The following LDLRAP1 variants were observed in gnomAD, a reference collection of about 807,000 sequenced individuals.
The protein encoded by LDLRAP1 is low density lipoprotein receptor adaptor protein 1.
In LDLRAP1, 30 loss-of-function variants were observed where a neutral mutation model predicts 37.8. The observed-to-expected ratio is 0.79, with a 90% CI of 0.59 to 1.08. The LOEUF is 1.08. Ranked by LOEUF, LDLRAP1 falls within the 50% of genes least tolerant of loss-of-function variation. LDLRAP1 has a pLI of 0.00. For missense variants in LDLRAP1, 375 were observed against 401.6 expected, an observed-to-expected ratio of 0.93 and a Z score of 0.57; for synonymous variants, 156 against 169.8, an observed-to-expected ratio of 0.92 and a Z score of 0.63.
At chr1:25,584,194 T>C in the LDLRAP1 span, among the ~76,000 whole-genome samples, 1 of 151,942 alleles carries the variant, frequency 6.6e-6, no homozygotes, top group Non-Finnish European at 1.5e-5. Flanking sequence ...GCCTCCACAG[T>C]CACCTGATGT....
downstream of LDLRAP1, among the ~76,000 whole-genome samples, chr1:25,572,418 A>G (rs1466648564): frequency 1.3e-5 from 2 of 152,122 alleles, no homozygotes; most frequent in African/African-American, 2.4e-5. Flanking sequence ...CGTCACACAC[A>G]GCCGATGGCA....
chr1:25,587,122 C>A, the LDLRAP1 span, among the ~76,000 whole-genome samples: 2 of 152,102 alleles, frequency 1.3e-5, no homozygotes, highest in African/African-American at 4.8e-5. Context: ...ATCAGAAATT[C>A]TGTCATGATT....
downstream of LDLRAP1, among the ~76,000 whole-genome samples, chr1:25,573,853 A>C (rs2044637484): frequency 6.6e-6 from 1 of 152,230 alleles, no homozygotes; most frequent in African/African-American, 2.4e-5. Context: ...CCAGTGATTG[A>C]GTGCCCACCA....
intron 8 of LDLRAP1, among the ~76,000 whole-genome samples, chr1:25,566,245 T>G (rs924303065): frequency 3.3e-5 from 5 of 152,198 alleles, no homozygotes; most frequent in Non-Finnish European, 1.5e-5. Flanking sequence ...TACATTATTT[T>G]GCATTGATCA....
intron 1 of LDLRAP1, among the ~76,000 whole-genome samples, chr1:25,545,229 A>T (rs1438631385): frequency 6.6e-6 from 1 of 150,420 alleles, no homozygotes; most frequent in Non-Finnish European, 1.5e-5. Flanking sequence ...TGAGGGAGGG[A>T]GGGTGGTGGG....
intron 1 of LDLRAP1, chr1:25,553,702 C>T (rs1241518387): frequency 1.3e-5 from 7 of 554,058 alleles, no homozygotes; most frequent in Admixed American, 3.2e-5. Flanking sequence ...ACCTGGGGTG[C>T]AGAGGTTGCA....
chr1:25,563,156 G>A lies in LDLRAP1; in HGVS notation c.616+3G>A, dbSNP rs779840160. ...CTGCACCCCCTCCTTGAAGAGCTGT[G>A]AGTCCTGACGGGGAAGGGGGATTGG... On this transcript the variant is annotated splice_donor_region_variant and intron_variant, in intron 6 of 8. Transcript: ENST00000374338. 6 of 1,613,528 alleles carry A rather than the reference G, an allele frequency of 3.7e-6. No homozygotes were observed. In the Admixed American group the frequency reaches 5.0e-5, roughly 13 times the overall value.
At chr1:25,587,986 AC>A in the LDLRAP1 span, among the ~76,000 whole-genome samples, 1 of 151,996 alleles carries the variant, frequency 6.6e-6, no homozygotes, top group African/African-American at 2.4e-5. Context: ...CCTACCCCCA[AC>A]CCTGTGCTCC....
chr1:25,563,230 C>A, intron 6 of LDLRAP1, 77 bp downstream of exon 6: 1 of 1,243,070 alleles, frequency 8.0e-7, no homozygotes. Context: ...CCACTCCTGC[C>A]TGGGCTGGGA....
Position 25,555,023 on chromosome 1 carries a change from G to A in LDLRAP1, c.344+51G>A, listed in dbSNP as rs2044167677. On this transcript the variant is annotated intron_variant, in intron 3 of 8. Coordinates refer to ENST00000374338, the MANE Select transcript of LDLRAP1 (RefSeq NM_015627.3). The surrounding 1 kb of genome is among the most constrained non-coding windows in gnomAD (Gnocchi z 4.7). ...TCCACTCTGCCACTTGGGGCAGTGG[G>A]TGGAGTATCCCATCTGAATCCAGGC... 1 of 1,322,790 alleles carries A rather than the reference G, an allele frequency of 7.6e-7. No homozygotes were observed. Among genetic ancestry groups the A allele is most frequent in the Non-Finnish European group, 1.1e-6 (1 of 917,396 alleles). 81.9% of individuals were successfully genotyped at this position (1,322,790 alleles called of 1,614,324 possible). A position where few individuals can be genotyped will look rare whatever the true frequency, so the allele number is the denominator to read the frequency against.
chr1:25,554,902 G>T lies in LDLRAP1; in HGVS notation c.274G>T (p.Val92Leu), dbSNP rs762188205. ...GKKLQKVTLKVSPRGIILTDN... is the reference protein window; with the variant it reads ...GKKLQKVTLKLSPRGIILTDN... The stretch of plus-strand genomic sequence containing the variant: ...GAAGCTGCAGAAGGTGACTCTGAAG[G>T]TGTCGCCACGGGGAATTATCCTGAC... Residue 92 changes from valine to leucine, a missense_variant, in exon 3 of 9, where the codon GTG becomes TTG. Physicochemically the swap from Val to Leu is conservative, Grantham distance 32. Coordinates refer to ENST00000374338, the MANE Select transcript of LDLRAP1 (RefSeq NM_015627.3). This position sits in a 1 kb window ranked among gnomAD's most constrained non-coding sequence, Gnocchi z 5.4. 2.5e-6 allele frequency: 4 copies of T among 1,614,226 alleles called. No homozygotes were observed. The highest frequency in any genetic ancestry group is 3.4e-6 in the Non-Finnish European group (4 of 1,180,034).
intron 4 of LDLRAP1, among the ~76,000 whole-genome samples, chr1:25,557,945 G>A (rs900189717): frequency 1.3e-5 from 2 of 151,882 alleles, no homozygotes; most frequent in African/African-American, 4.8e-5. Context: ...CTATCTTGCT[G>A]TCAGGGTTAG....
rs999107479 is a variant in LDLRAP1 at position 25,544,902 on chromosome 1, G to T, written c.88+1116G>T. Among the ~76,000 whole-genome samples, 7 of 152,232 alleles carry T rather than the reference G, an allele frequency of 4.6e-5. No individual in the cohort carries two copies. Among genetic ancestry groups the T allele is most frequent in the African/African-American group, 1.7e-4 (7 of 41,464 alleles). ...ACAGGGCTCTGCCAGGGGAGCCCGAGCTCCCTGGTCCAAGGAGTGCCAGCG... is the reference window on the plus strand; with the variant it reads ...ACAGGGCTCTGCCAGGGGAGCCCGATCTCCCTGGTCCAAGGAGTGCCAGCG... On this transcript the variant is annotated intron_variant, in intron 1 of 8. Coordinates refer to ENST00000374338, the MANE Select transcript of LDLRAP1 (RefSeq NM_015627.3). This position sits in a 1 kb window ranked among gnomAD's most constrained non-coding sequence, Gnocchi z 4.8.
chr1:25,568,908 A>C (rs1376938783), downstream of LDLRAP1: 2 of 152,288 alleles, frequency 1.3e-5, no homozygotes, highest in Non-Finnish European at 2.9e-5. Flanking sequence ...CAGGTGGAGT[A>C]GACTGGCGGC....
intron 7 of LDLRAP1, 35 bp downstream of exon 7, chr1:25,563,826 T>C (rs369128978): frequency 9.9e-6 from 16 of 1,612,652 alleles, no homozygotes; most frequent in Non-Finnish European, 1.4e-5. Flanking sequence ...TCGGTGATCC[T>C]CAGCCTGACC....
chr1:25,589,611 G>T, the LDLRAP1 span, among the ~76,000 whole-genome samples: 1 of 152,178 alleles, frequency 6.6e-6, no homozygotes, highest in Non-Finnish European at 1.5e-5. Flanking sequence ...TGCTGGAGGA[G>T]GGGTAAATTC....
At chr1:25,562,795 A>T (rs1416437987) in intron 5 of LDLRAP1, 79 bp downstream of exon 5, 1 of 1,268,516 alleles carries the variant, frequency 7.9e-7, no homozygotes, top group Admixed American at 1.7e-5. Context: ...ACCTGGACCG[A>T]CTTCCTGCCT....
At position 25,561,830 on chromosome 1, in the gene LDLRAP1, C is replaced by T. The variant is rs534206477; in HGVS notation, c.460-814C>T. On this transcript the variant is annotated intron_variant, in intron 4 of 8. Transcript: ENST00000374338. ...GCAGGGGTGTTCAGATTGATTCTTG[C>T]TTTTAGGGTGCACAAAGCTGGGGGA... is the stretch of plus-strand genomic sequence containing the variant. Among the ~76,000 whole-genome samples the T allele has an allele frequency of 3.9e-5, 6 of 152,224 alleles. No homozygotes were observed. In the South Asian group the frequency reaches 1.2e-3, roughly 32 times the overall value.
At chr1:25,552,740 G>T (rs1407678227) in intron 1 of LDLRAP1, among the ~76,000 whole-genome samples, 1 of 152,188 alleles carries the variant, frequency 6.6e-6, no homozygotes, top group Non-Finnish European at 1.5e-5. Flanking sequence ...TTGCCCTCAT[G>T]CCCATTTGCC....
Sources: gnomAD v4.1 joint callset for allele counts (sites outside exome capture counted in the v4.1 genomes callset) on GRCh38, gnomAD v4.1.1 for gene constraint, Gnocchi (gnomAD v3.1) non-coding constraint, MANE v1.5 for transcripts, NCBI Gene and HGNC (gene_info 2026-07-23, HGNC 2026-07-21) for gene names.